DCC: variants seen among roughly 807,000 people sequenced by gnomAD.
DCC encodes DCC netrin 1 receptor, also known as netrin receptor DCC.
A neutral mutation model predicts 172.5 loss-of-function variants in DCC; 58 were observed. That is an observed-to-expected ratio of 0.34 (90% confidence interval 0.27 to 0.42). DCC has a LOEUF of 0.42. DCC is among the 10% of genes least tolerant of loss of function. The pLI, the probability that DCC is intolerant of heterozygous loss-of-function variation, is 1.00. For missense variants in DCC, 1,740 were observed against 1,791.0 expected (o/e 0.97, Z 0.51); for synonymous variants, 709 against 644.5 (o/e 1.10, Z -1.52).
chr18:53,314,365 A>G (rs953509973), intron 13 of DCC, among the ~76,000 whole-genome samples: 41 of 152,230 alleles, frequency 2.7e-4, no homozygotes, highest in African/African-American at 9.4e-4. Context: ...TCTTGGATAA[A>G]CATGTTTTAT....
chr18:52,757,530 C>A (rs1434218431), intron 2 of DCC, among the ~76,000 whole-genome samples: 1 of 152,106 alleles, frequency 6.6e-6, no homozygotes, highest in Non-Finnish European at 1.5e-5. Context: ...CACTGACTTG[C>A]CCTGCACACT....
intron 1 of DCC, among the ~76,000 whole-genome samples, chr18:52,574,343 T>A (rs2033364070): frequency 6.6e-6 from 1 of 152,130 alleles, no homozygotes; most frequent in Admixed American, 6.5e-5. Context: ...ACTTTGGCAT[T>A]GAGGACAAAA....
intron 11 of DCC, among the ~76,000 whole-genome samples, chr18:53,213,416 G>A (rs190014315): frequency 1.8e-4 from 27 of 152,020 alleles, no homozygotes; most frequent in African/African-American, 6.5e-4. Flanking sequence ...TTGGGAGGCC[G>A]AGGCGGGTGG....
intron 2 of DCC, among the ~76,000 whole-genome samples, chr18:52,845,735 A>G (rs2038876999): frequency 6.6e-6 from 1 of 152,226 alleles, no homozygotes; most frequent in Admixed American, 6.5e-5. Flanking sequence ...ATTTAACAGC[A>G]TTTATTTGAG....
intron 12 of DCC, among the ~76,000 whole-genome samples, chr18:53,260,839 G>A (rs1304822101): frequency 6.6e-6 from 1 of 152,114 alleles, no homozygotes; most frequent in African/African-American, 2.4e-5. Context: ...CTTGAACTGT[G>A]GTGGGCTCCA....
intron 12 of DCC, among the ~76,000 whole-genome samples, chr18:53,263,677 T>C (rs2056632965): frequency 6.6e-6 from 1 of 152,260 alleles, no homozygotes; most frequent in East Asian, 1.9e-4. Flanking sequence ...GGAAGTTCTG[T>C]ACTAAAGTTG....
chr18:52,591,120 A>G (rs1265292400), intron 1 of DCC, among the ~76,000 whole-genome samples: 6 of 152,180 alleles, frequency 3.9e-5, no homozygotes, highest in African/African-American at 1.4e-4. Flanking sequence ...ATGCATTAAA[A>G]AGCATTGATT....
intron 1 of DCC, among the ~76,000 whole-genome samples, chr18:52,349,646 A>G (rs1240179519): frequency 6.6e-6 from 1 of 152,092 alleles, no homozygotes; most frequent in Admixed American, 6.5e-5. Flanking sequence ...CCTGTTCTAA[A>G]TGTTCTTTCC....
intron 1 of DCC, among the ~76,000 whole-genome samples, chr18:52,630,665 A>C (rs1183075836): frequency 6.6e-6 from 1 of 151,956 alleles, no homozygotes; most frequent in Non-Finnish European, 1.5e-5. Context: ...TTTTTTTACA[A>C]ATCTTGCAGA....
At chr18:53,175,363 G>C (rs4362452) in intron 8 of DCC, among the ~76,000 whole-genome samples, 1 of 151,850 alleles carries the variant, frequency 6.6e-6, no homozygotes, top group African/African-American at 2.4e-5. Context: ...AAGGTATTCA[G>C]TTAGGAAAAG....
At chr18:52,585,879 C>G (rs540386602) in intron 1 of DCC, among the ~76,000 whole-genome samples, 1 of 152,150 alleles carries the variant, frequency 6.6e-6, no homozygotes, top group South Asian at 2.1e-4. Flanking sequence ...GTTAGGTGAT[C>G]AAGACCATCT....
intron 7 of DCC, among the ~76,000 whole-genome samples, chr18:53,098,463 T>C (rs1019724734): frequency 1.3e-5 from 2 of 152,152 alleles, no homozygotes; most frequent in Non-Finnish European, 2.9e-5. Context: ...CTTGAGACTT[T>C]TGAAGATTAC....
At chr18:52,956,304 T>A (rs573432165) in intron 5 of DCC, among the ~76,000 whole-genome samples, 1 of 152,192 alleles carries the variant, frequency 6.6e-6, no homozygotes, top group East Asian at 1.9e-4. Context: ...CAGTATCGTT[T>A]GTTGAAAAGA....
chr18:52,342,548 G>A (rs1156686794), intron 1 of DCC, among the ~76,000 whole-genome samples: 1 of 152,156 alleles, frequency 6.6e-6, no homozygotes, highest in Non-Finnish European at 1.5e-5. Flanking sequence ...GAGGCTGCGG[G>A]GAGGAGGACC....
chr18:52,610,197 A>C (rs2034242781), intron 1 of DCC, among the ~76,000 whole-genome samples: 1 of 31,820 alleles, frequency 3.1e-5, no homozygotes, highest in African/African-American at 1.3e-4. Flanking sequence ...ATATATATAT[A>C]TATATATATA....
rs1047863704 is a variant in DCC, at chr18:52,936,010, T to C, written c.985+10640T>C. Among the ~76,000 whole-genome samples, 7 of 152,122 alleles carry C rather than the reference T, an allele frequency of 4.6e-5. No homozygotes were observed. The South Asian group carries it at 6.2e-4, about 14-fold the overall frequency. ...TTAGGTACGTTTGTATTGATTATCC[T>C]CTACAATGTAATTACCAAATGAATC... is the stretch of plus-strand genomic sequence containing the variant. On this transcript the variant is annotated intron_variant, in intron 5 of 28. Coordinates refer to ENST00000442544, the MANE Select transcript of DCC (RefSeq NM_005215.4).
intron 5 of DCC, among the ~76,000 whole-genome samples, chr18:52,991,262 A>G (rs899300917): frequency 1.3e-5 from 2 of 152,082 alleles, no homozygotes; most frequent in African/African-American, 4.8e-5. Flanking sequence ...TTTTAAATTT[A>G]TCTTTTTTTG....
intron 1 of DCC, among the ~76,000 whole-genome samples, chr18:52,470,509 C>A (rs1458587817): frequency 6.6e-6 from 1 of 152,156 alleles, no homozygotes. Flanking sequence ...TCTGTATACT[C>A]TGGGATCCAT....
At chr18:53,131,394 A>G (rs1425060578) in intron 7 of DCC, among the ~76,000 whole-genome samples, 1 of 152,150 alleles carries the variant, frequency 6.6e-6, no homozygotes, top group Non-Finnish European at 1.5e-5. Flanking sequence ...TTTTAGATCA[A>G]ATCTTGGAAA....
Sources: gnomAD v4.1 joint callset for allele counts (sites outside exome capture counted in the v4.1 genomes callset) on GRCh38, gnomAD v4.1.1 for gene constraint, MANE v1.5 for transcripts, NCBI Gene and HGNC (gene_info 2026-07-23, HGNC 2026-07-21) for gene names.